The following ASB7 variants were observed in gnomAD, a reference collection of about 807,000 sequenced individuals.
The protein encoded by ASB7 is ankyrin repeat and SOCS box containing 7, also known as ankyrin repeat and SOCS box protein 7.
In ASB7, 4 loss-of-function variants were observed where a neutral mutation model predicts 32.5. The ratio of observed to expected loss-of-function variants is 0.12; its 90% CI spans 0.06 to 0.28. The LOEUF (loss-of-function observed/expected upper bound fraction) is 0.28, where lower values mean the gene tolerates loss of function less well. Ranked by LOEUF, ASB7 falls within the 10% of genes least tolerant of loss-of-function variation. The probability of loss-of-function intolerance (pLI) is 1.00; values close to 1 mark genes in which losing one functional copy is unlikely to be tolerated. For missense variants in ASB7, 181 were observed against 407.1 expected (o/e 0.44, Z 4.78); for synonymous variants, 172 against 155.6 (o/e 1.11, Z -0.78).
intron 5 of ASB7, among the ~76,000 whole-genome samples, chr15:100,642,478 G>A (rs578258034): frequency 6.6e-6 from 1 of 152,304 alleles, no homozygotes; most frequent in East Asian, 1.9e-4. Flanking sequence ...CCAGCTTCTA[G>A]TAACAGTCAA....
intron 5 of ASB7, among the ~76,000 whole-genome samples, chr15:100,643,482 T>C (rs1278312345): frequency 5.3e-5 from 7 of 131,658 alleles, no homozygotes; most frequent in African/African-American, 2.0e-4. Context: ...TTCTTCTTTT[T>C]TTTTTTTTTT....
intron 5 of ASB7, chr15:100,645,505 T>C (rs898539270): frequency 6.3e-6 from 4 of 630,656 alleles, no homozygotes; most frequent in Non-Finnish European, 1.2e-5. Flanking sequence ...TCTAGTCTGC[T>C]CTCAGAACTT....
chr15:100,648,378 C>T lies in ASB7; in HGVS notation c.873C>T (p.Gly291=). The T allele has an allele frequency of 6.2e-7, 1 of 1,610,992 alleles. No homozygotes were observed. Among genetic ancestry groups the T allele is most frequent in the Non-Finnish European group, 8.5e-7 (1 of 1,177,512 alleles). ...GAATTAAAATTCGACAATGTATAGGCCTTCAAAACCTAAAGCTACTTGATG... is the reference window on the plus strand; with the variant it reads ...GAATTAAAATTCGACAATGTATAGGTCTTCAAAACCTAAAGCTACTTGATG... ...LCRIKIRQCI[G]LQNLKLLDEL... Residue 291 remains glycine (G), a synonymous_variant, in exon 6 of 6, where the codon GGC becomes GGT. Coordinates refer to ENST00000332783, the MANE Select transcript of ASB7 (RefSeq NM_198243.3).
chr15:100,629,194 A>G lies in ASB7; in HGVS notation c.212-243A>G, dbSNP rs4965325. On this transcript the variant is annotated intron_variant, in intron 4 of 5. Transcript: ENST00000332783. The surrounding 1 kb of genome is among the most constrained non-coding windows in gnomAD (Gnocchi z 6.8). ...GATCTGTACTCCGTGTTTTTTGTGTATATCTTTTTAAACACTTTGTCTTTC... is the reference window on the plus strand; with the variant it reads ...GATCTGTACTCCGTGTTTTTTGTGTGTATCTTTTTAAACACTTTGTCTTTC... Among the ~76,000 whole-genome samples the G allele has an allele frequency of 0.28, 42,923 of 152,226 alleles. 6,410 individuals carry two copies. The highest frequency in any genetic ancestry group is 0.36 in the Middle Eastern group (106 of 294).
At chr15:100,612,612 C>G (rs1485675698) in intron 4 of ASB7, 185 bp downstream of exon 4, 12 of 633,026 alleles carry the variant, frequency 1.9e-5, no homozygotes, top group Non-Finnish European at 3.0e-5. Context: ...TTTAAAAGAT[C>G]AGTTTTATGA....
intron 5 of ASB7, among the ~76,000 whole-genome samples, chr15:100,643,667 A>AT (rs1263989846): frequency 6.7e-6 from 1 of 148,758 alleles, no homozygotes; most frequent in African/African-American, 2.5e-5. Context: ...TTTTTTTTAT[A>AT]TTTTTTTAGT....
chr15:100,607,206 G>T (rs1170606142), intron 2 of ASB7, among the ~76,000 whole-genome samples: 1 of 151,460 alleles, frequency 6.6e-6, no homozygotes, highest in Non-Finnish European at 1.5e-5. Context: ...CTTTTTATAG[G>T]TGACTTCCAT....
chr15:100,633,578 GA>G (rs371711115), intron 5 of ASB7, among the ~76,000 whole-genome samples: 1 of 138,294 alleles, frequency 7.2e-6, no homozygotes, highest in Non-Finnish European at 1.5e-5. Context: ...ACTCTCTCAA[GA>G]AAAAAAAGAG....
intron 4 of ASB7, among the ~76,000 whole-genome samples, chr15:100,616,890 A>G (rs1345969782): frequency 6.6e-6 from 1 of 152,190 alleles, no homozygotes; most frequent in African/African-American, 2.4e-5. Flanking sequence ...GTAGCCAACT[A>G]TGTGTTTAAT....
At chr15:100,634,120 A>G (rs1215952686) in intron 5 of ASB7, among the ~76,000 whole-genome samples, 3 of 152,250 alleles carry the variant, frequency 2.0e-5, no homozygotes, top group Non-Finnish European at 4.4e-5. Context: ...AGGAGTAAAT[A>G]ATACCACCCA....
At chr15:100,643,639 G>A (rs916332504) in intron 5 of ASB7, among the ~76,000 whole-genome samples, 2 of 151,166 alleles carry the variant, frequency 1.3e-5, no homozygotes, top group African/African-American at 2.4e-5. Context: ...ACAGGTGCCC[G>A]CCACCACGCC....
rs1043367246 is a variant in ASB7, at chr15:100,602,706, C to T, written c.-613C>T. 28 of 345,746 alleles carry T rather than the reference C, an allele frequency of 8.1e-5. No homozygotes were observed. The highest frequency in any genetic ancestry group is 6.2e-5 in the Non-Finnish European group (12 of 193,160). 21.4% of individuals were successfully genotyped at this position (345,746 alleles called of 1,614,324 possible). A position where few individuals can be genotyped will look rare whatever the true frequency, so the allele number is the denominator to read the frequency against. On this transcript the variant is annotated 5_prime_UTR_variant, in exon 1 of 6. Transcript: ENST00000332783. ...CTTCGGGCCCCGTATGACCTGGGACCTCGCCGTCCCGAGACCTCCTGGGTC... is the reference window on the plus strand; with the variant it reads ...CTTCGGGCCCCGTATGACCTGGGACTTCGCCGTCCCGAGACCTCCTGGGTC...
At position 100,629,346 on chromosome 15, in the gene ASB7, A is replaced by G; in HGVS notation, c.212-91A>G. ...AGTGTTTGGTTGCTTCACATTTTAT[A>G]TGAGAATTGGCCACAGTTTGCTGTG... On this transcript the variant is annotated intron_variant, in intron 4 of 5. Coordinates refer to ENST00000332783, the MANE Select transcript of ASB7 (RefSeq NM_198243.3). This position sits in a 1 kb window ranked among gnomAD's most constrained non-coding sequence, Gnocchi z 6.8. The G allele has an allele frequency of 2.6e-6, 3 of 1,159,882 alleles. No individual in the cohort carries two copies. The highest frequency in any genetic ancestry group is 2.5e-6 in the Non-Finnish European group (2 of 808,436). 71.8% of individuals were successfully genotyped at this position (1,159,882 alleles called of 1,614,324 possible).
chr15:100,614,968 G>A (rs1388695312), intron 4 of ASB7, among the ~76,000 whole-genome samples: 1 of 152,096 alleles, frequency 6.6e-6, no homozygotes, highest in Non-Finnish European at 1.5e-5. Context: ...CATTTACAAT[G>A]GTGGTCCCAT....
At chr15:100,609,949 G>A (rs544801770) in intron 3 of ASB7, 121 bp downstream of exon 3, 1 of 152,248 alleles carries the variant, frequency 6.6e-6, no homozygotes, top group Admixed American at 6.5e-5. Context: ...AGAAAACCCA[G>A]GTTTGTTTTG....
chr15:100,651,227 A>G lies in ASB7; in HGVS notation c.*2765A>G, dbSNP rs1040007467. 6.8e-6 allele frequency: 1 copy of G among 147,880 alleles called. No individual in the cohort carries two copies. Among genetic ancestry groups the G allele is most frequent in the Non-Finnish European group, 1.5e-5 (1 of 66,926 alleles). 9.2% of individuals were successfully genotyped at this position (147,880 alleles called of 1,614,324 possible). A position where few individuals can be genotyped will look rare whatever the true frequency, so the allele number is the denominator to read the frequency against. Reference sequence around the variant, plus strand: ...TTTTTTTTTGTAAATATTTGTGTTTATAAATGTACAGCAGAGTAAGAGTGT... The same window carrying G: ...TTTTTTTTTGTAAATATTTGTGTTTGTAAATGTACAGCAGAGTAAGAGTGT... On this transcript the variant is annotated 3_prime_UTR_variant, in exon 6 of 6. Coordinates refer to ENST00000332783, the MANE Select transcript of ASB7 (RefSeq NM_198243.3).
intron 2 of ASB7, among the ~76,000 whole-genome samples, chr15:100,605,372 C>T (rs1214463088): frequency 6.6e-6 from 1 of 152,096 alleles, no homozygotes; most frequent in Non-Finnish European, 1.5e-5. Flanking sequence ...CAATTTATTT[C>T]GTCACCAAAT....
intron 5 of ASB7, among the ~76,000 whole-genome samples, chr15:100,638,137 A>C (rs1024967361): frequency 3.3e-5 from 5 of 152,190 alleles, no homozygotes; most frequent in Non-Finnish European, 7.3e-5. Context: ...TAAAACTAAA[A>C]AGCTGAGACC....
At chr15:100,620,229 A>G (rs1363232610) in intron 4 of ASB7, among the ~76,000 whole-genome samples, 2 of 152,250 alleles carry the variant, frequency 1.3e-5, no homozygotes, top group Non-Finnish European at 2.9e-5. Context: ...TCAATTACTT[A>G]TAATACCTAA....
Sources: gnomAD v4.1 joint callset for allele counts (sites outside exome capture counted in the v4.1 genomes callset) on GRCh38, gnomAD v4.1.1 for gene constraint, Gnocchi (gnomAD v3.1) non-coding constraint, MANE v1.5 for transcripts, NCBI Gene and HGNC (gene_info 2026-07-23, HGNC 2026-07-21) for gene names.